BRWD3: variants seen among roughly 807,000 people sequenced by gnomAD.
BRWD3 encodes bromodomain and WD repeat-containing protein 3.
BRWD3 carries 10 observed loss-of-function variants against 149.7 expected under a neutral mutation model. The observed-to-expected ratio is 0.07, with a 90% CI of 0.04 to 0.11. The LOEUF (loss-of-function observed/expected upper bound fraction) is 0.11, where lower values mean the gene tolerates loss of function less well. Among genes scored for constraint, BRWD3 ranks in the 10% least tolerant of loss-of-function variants. The pLI, the probability that BRWD3 is intolerant of heterozygous loss-of-function variation, is 1.00. For synonymous variants in BRWD3, 504 were observed against 456.7 expected (o/e 1.10, Z -1.32); for missense variants, 940 against 1,373.2 (o/e 0.68, Z 4.99).
At chrX:80,735,399 T>G (rs2073388872) in intron 9 of BRWD3, among the ~76,000 whole-genome samples, 1 of 111,932 alleles carries the variant, frequency 8.9e-6, no homozygotes, top group African/African-American at 3.2e-5. Flanking sequence ...TCAGTATTAT[T>G]ACTATAGTTT....
At chrX:80,726,713 C>CACCTT (rs1484817330) in intron 14 of BRWD3, among the ~76,000 whole-genome samples, 1 of 110,592 alleles carries the variant, frequency 9.0e-6, no homozygotes, top group Non-Finnish European at 1.9e-5. Context: ...GACAAAAATA[C>CACCTT]ACCTTGCTGA....
intron 14 of BRWD3, among the ~76,000 whole-genome samples, chrX:80,725,857 T>C (rs1330164847): frequency 9.5e-6 from 1 of 105,515 alleles, no homozygotes; most frequent in Non-Finnish European, 1.9e-5. Context: ...CATGCCTATA[T>C]AACATAACAT....
At chrX:80,757,840 A>G (rs992372798) in intron 6 of BRWD3, among the ~76,000 whole-genome samples, 21 of 112,670 alleles carry the variant, frequency 1.9e-4, no homozygotes, top group Admixed American at 4.7e-4. Context: ...TCTTTAAAGC[A>G]TAACATTGGT....
intron 26 of BRWD3, among the ~76,000 whole-genome samples, 176 bp downstream of exon 26, chrX:80,696,552 ACACACACACAC>A (rs2072699633): frequency 9.1e-6 from 1 of 109,553 alleles, no homozygotes; most frequent in Non-Finnish European, 1.9e-5. Flanking sequence ...ACACACACAC[ACACACACACAC>A]AAATATAAAT....
intron 5 of BRWD3, among the ~76,000 whole-genome samples, chrX:80,793,160 CAAAAAAAAAAAA>C (rs201065966): frequency 6.7e-5 from 3 of 44,464 alleles, no homozygotes; most frequent in Non-Finnish European, 1.2e-4. Flanking sequence ...GACTCTGTCT[CAAAAAAAAAAAA>C]AAAAAAAAAA....
At chrX:80,739,258 A>G (rs1302432446) in intron 8 of BRWD3, among the ~76,000 whole-genome samples, 1 of 111,811 alleles carries the variant, frequency 8.9e-6, no homozygotes, top group African/African-American at 3.3e-5. Context: ...GGGATGATCT[A>G]CTCTGAGCAG....
chrX:80,700,620 C>T (rs1016952089), intron 24 of BRWD3, among the ~76,000 whole-genome samples: 21 of 104,668 alleles, frequency 2.0e-4, no homozygotes, highest in Admixed American at 1.2e-3. Context: ...GCCTGTAATC[C>T]CAGCTACTAG....
intron 33 of BRWD3, among the ~76,000 whole-genome samples, chrX:80,688,994 TAAAAAA>T: frequency 9.3e-6 from 1 of 107,568 alleles, no homozygotes; most frequent in African/African-American, 3.4e-5. Flanking sequence ...ATGAAAAAAA[TAAAAAA>T]AAACAGCATT....
At position 80,670,869 on chromosome X, in the gene BRWD3, A is replaced by G. The variant is rs1056418615; in HGVS notation, c.*5740T>C. On this transcript the variant is annotated 3_prime_UTR_variant, in exon 41 of 41. Coordinates refer to ENST00000373275, the MANE Select transcript of BRWD3 (RefSeq NM_153252.5). Reference sequence around the variant, plus strand: ...ATCAGTCTACTTTTTTCCTAAATGCATTTTTTTTATTCTAAATACACAAAA... The same window carrying G: ...ATCAGTCTACTTTTTTCCTAAATGCGTTTTTTTTATTCTAAATACACAAAA... 7 of 111,110 alleles carry G rather than the reference A, an allele frequency of 6.3e-5. No homozygotes were observed. The highest frequency in any genetic ancestry group is 2.3e-4 in the African/African-American group (7 of 30,639). 9.2% of individuals were successfully genotyped at this position (111,110 alleles called of 1,213,427 possible).
chrX:80,737,908 T>G (rs1207022487), intron 8 of BRWD3, among the ~76,000 whole-genome samples: 1 of 112,516 alleles, frequency 8.9e-6, no homozygotes, highest in African/African-American at 3.2e-5. Flanking sequence ...CAAATTCAGC[T>G]TATTGCCTGC....
In BRWD3 at chrX:80,669,584, T is replaced by C. The variant is rs749981528; in HGVS notation, c.*7025A>G. On this transcript the variant is annotated 3_prime_UTR_variant, in exon 41 of 41. Coordinates refer to ENST00000373275, the MANE Select transcript of BRWD3 (RefSeq NM_153252.5). Reference sequence around the variant, plus strand: ...AAATGATCTATTACACAATTTGTTATGCAAATTTCATTTAAACATATTGTA... The same window carrying C: ...AAATGATCTATTACACAATTTGTTACGCAAATTTCATTTAAACATATTGTA... Among the ~76,000 whole-genome samples, 5 of 112,170 alleles carry C rather than the reference T, an allele frequency of 4.5e-5. No homozygotes were observed. The South Asian group carries it at 1.5e-3, about 33-fold the overall frequency.
At chrX:80,726,378 C>T (rs868746380) in intron 14 of BRWD3, among the ~76,000 whole-genome samples, 1 of 105,743 alleles carries the variant, frequency 9.5e-6, no homozygotes, top group East Asian at 3.0e-4. Flanking sequence ...CATGTTATAT[C>T]TGTATAACAT....
At chrX:80,769,324 T>C (rs936724359) in intron 6 of BRWD3, among the ~76,000 whole-genome samples, 11 of 111,637 alleles carry the variant, frequency 9.9e-5, no homozygotes, top group East Asian at 2.8e-4. Context: ...TATTCCAAAA[T>C]TGACCACATA....
At chrX:80,758,316 C>A (rs1370159832) in intron 6 of BRWD3, among the ~76,000 whole-genome samples, 1 of 112,175 alleles carries the variant, frequency 8.9e-6, no homozygotes, top group Non-Finnish European at 1.9e-5. Flanking sequence ...GAGTAAAATA[C>A]TTCACTGGGG....
chrX:80,776,929 T>C (rs902567345), intron 6 of BRWD3, among the ~76,000 whole-genome samples: 1 of 111,114 alleles, frequency 9.0e-6, no homozygotes, highest in Non-Finnish European at 1.9e-5. Context: ...AAACAAACTT[T>C]ACAAAAAGTA....
At chrX:80,755,536 G>A (rs2073726982) in intron 6 of BRWD3, among the ~76,000 whole-genome samples, 1 of 111,526 alleles carries the variant, frequency 9.0e-6, no homozygotes, top group Non-Finnish European at 1.9e-5. Flanking sequence ...ATTTCTAAAA[G>A]CACCATACAG....
At position 80,699,006 on chromosome X, in the gene BRWD3, G is replaced by T. The variant is rs1383929463; in HGVS notation, c.2943+951C>A. ...GGTGGGTGGATCACCCTGAGGTCAG[G>T]ACTTCGAGACTAGCCTGGTCAATGT... On this transcript the variant is annotated intron_variant, in intron 25 of 40. Transcript: ENST00000373275. Among the ~76,000 whole-genome samples the T allele has an allele frequency of 3.6e-5, 4 of 110,432 alleles. No individual in the cohort carries two copies. In the East Asian group the frequency reaches 1.1e-3, roughly 31 times the overall value.
In BRWD3 at chrX:80,809,756, A is replaced by AG. The variant is rs2074392591; in HGVS notation, c.-286_-285insC. 1 of 98,435 alleles carries AG rather than the reference A, an allele frequency of 1.0e-5. No individual in the cohort carries two copies. The highest frequency in any genetic ancestry group is 1.4e-4 in the African/African-American group (1 of 7,219). 8.1% of individuals were successfully genotyped at this position (98,435 alleles called of 1,213,427 possible). ...GAGAGAAGAGAGAGAGAGAGAGAGG[A>AG]AAAAGAGAGAGAGAGAGAGAGAGAG... On this transcript the variant is annotated 5_prime_UTR_variant, in exon 1 of 41. Coordinates refer to ENST00000373275, the MANE Select transcript of BRWD3 (RefSeq NM_153252.5).
At chrX:80,700,441 T>TATATATATATATATATATATATAA (rs1269965985) in intron 24 of BRWD3, among the ~76,000 whole-genome samples, 39 of 96,038 alleles carry the variant, frequency 4.1e-4, no homozygotes, top group African/African-American at 1.4e-3. Flanking sequence ...TTGATATATA[T>TATATATATATATATATATATATAA]AACAATACAA....
Sources: allele counts gnomAD v4.1 joint callset (sites outside exome capture counted in the v4.1 genomes callset), GRCh38; gene constraint gnomAD v4.1.1; transcripts MANE v1.5; gene names NCBI Gene and HGNC (gene_info 2026-07-23, HGNC 2026-07-21).